The following CYRIB variants were observed in gnomAD, a reference collection of about 807,000 sequenced individuals.
CYRIB encodes CYFIP related Rac1 interactor B, also known as CYFIP-related Rac1 interactor B.
Under a neutral mutation model 44.2 loss-of-function variants are expected in CYRIB, and 8 were observed. That is an observed-to-expected ratio of 0.18 (90% confidence interval 0.11 to 0.33). The LOEUF is 0.33. Ranked by LOEUF, CYRIB falls within the 10% of genes least tolerant of loss-of-function variation. The pLI is 1.00. For synonymous variants in CYRIB, 131 were observed against 127.2 expected (o/e 1.03, Z -0.20); for missense variants, 185 against 382.8 (o/e 0.48, Z 4.31).
At chr8:129,854,427 T>C (rs907759254) in intron 6 of CYRIB, 84 bp from the exon 9 acceptor site, 4 of 952,324 alleles carry the variant, frequency 4.2e-6, no homozygotes, top group East Asian at 2.6e-5. Context: ...TAGTTTTAAT[T>C]AGTATAAAAC....
At chr8:129,942,634 T>C (rs2093796435), upstream of CYRIB, among the ~76,000 whole-genome samples, 3 of 152,278 alleles carry the variant, frequency 2.0e-5, no homozygotes, top group South Asian at 6.2e-4. Context: ...TGTTGAAAAA[T>C]TGAACAAAAG....
chr8:129,917,429 A>C (rs550354529), intron 1 of CYRIB, among the ~76,000 whole-genome samples: 5 of 152,196 alleles, frequency 3.3e-5, no homozygotes, highest in South Asian at 2.1e-4. Context: ...TATTAGAATA[A>C]TCCTTCTAAT....
intron 2 of CYRIB, among the ~76,000 whole-genome samples, chr8:129,960,367 G>T (rs910151623): frequency 2.0e-5 from 3 of 152,114 alleles, no homozygotes; most frequent in Non-Finnish European, 4.4e-5. Context: ...GGCCAAGGTG[G>T]GTGGATCACC....
intron 1 of CYRIB, among the ~76,000 whole-genome samples, chr8:129,972,772 C>T (rs2095758302): frequency 6.6e-6 from 1 of 152,048 alleles, no homozygotes; most frequent in Non-Finnish European, 1.5e-5. Context: ...CACACACACA[C>T]ACCCCACATC....
At chr8:129,985,903 T>C (rs1249638149) in intron 1 of CYRIB, among the ~76,000 whole-genome samples, 1 of 152,174 alleles carries the variant, frequency 6.6e-6, no homozygotes, top group Non-Finnish European at 1.5e-5. Flanking sequence ...CCCTGAACAC[T>C]TTCAAACCAG....
chr8:130,015,860 A>T (rs2097330530), intron 1 of CYRIB, among the ~76,000 whole-genome samples: 1 of 152,220 alleles, frequency 6.6e-6, no homozygotes, highest in African/African-American at 2.4e-5. Flanking sequence ...TCTTGAGGCC[A>T]GTGGAGATTT....
Position 129,859,633 on chromosome 8 carries a change from A to C in CYRIB, c.301+2596T>G, listed in dbSNP as rs144533019. 1.4e-3 allele frequency among the ~76,000 whole-genome samples: 215 copies of C among 152,354 alleles called. 1 individual carries two copies. The highest frequency in any genetic ancestry group is 5.0e-3 in the African/African-American group (208 of 41,584). Reference sequence around the variant, plus strand: ...TCTGGTGGCCCTGCCTGGGCATAACAGAAGGCTCGCACTCTTGTCTTCTGG... The same window carrying C: ...TCTGGTGGCCCTGCCTGGGCATAACCGAAGGCTCGCACTCTTGTCTTCTGG... On this transcript the variant is annotated intron_variant, in intron 5 of 11. Transcript: ENST00000519824.
At chr8:129,883,566 C>G (rs563550769) in intron 2 of CYRIB, among the ~76,000 whole-genome samples, 2 of 152,180 alleles carry the variant, frequency 1.3e-5, no homozygotes, top group East Asian at 1.9e-4. Flanking sequence ...AAATTAAAAC[C>G]ATAACCCTAT....
intron 1 of CYRIB, among the ~76,000 whole-genome samples, chr8:129,937,587 C>CA (rs1418905082): frequency 1.2e-4 from 19 of 152,124 alleles, no homozygotes; most frequent in Admixed American, 8.5e-4. Context: ...AAACGTCAAT[C>CA]AAAAATCTAT....
rs555668739 is a variant in CYRIB at position 129,921,424 on chromosome 8, T to C, written c.-49-18074A>G. On this transcript the variant is annotated intron_variant, in intron 1 of 11. Coordinates refer to ENST00000519824, the Ensembl canonical transcript of CYRIB. ...TGTTAGGCTACTCAGTGAAAAGTTT[T>C]GGGCAACCAGATATTCACATGGTTT... 3.8e-4 allele frequency among the ~76,000 whole-genome samples: 58 copies of C among 152,358 alleles called. 1 individual carries two copies. The South Asian group carries it at 0.012, about 32-fold the overall frequency.
chr8:129,873,471 C>A (rs1482829875), intron 3 of CYRIB, among the ~76,000 whole-genome samples: 1 of 151,950 alleles, frequency 6.6e-6, no homozygotes, highest in Non-Finnish European at 1.5e-5. Context: ...TTTATACTTA[C>A]ATCAGATTCA....
At chr8:129,973,135 C>T (rs2095782647) in intron 1 of CYRIB, among the ~76,000 whole-genome samples, 1 of 152,112 alleles carries the variant, frequency 6.6e-6, no homozygotes, top group Admixed American at 6.5e-5. Flanking sequence ...ATTAGGGGAG[C>T]AATTACAGGC....
At chr8:129,972,644 T>C (rs1315422407) in intron 1 of CYRIB, among the ~76,000 whole-genome samples, 2 of 151,952 alleles carry the variant, frequency 1.3e-5, no homozygotes, top group Admixed American at 6.6e-5. Context: ...TGTACACACA[T>C]AGACTCCACA....
In CYRIB at chr8:129,879,432, G is replaced by T. The variant is rs1182140169; in HGVS notation, c.30C>A (p.Cys10Ter). The T allele has an allele frequency of 6.2e-7, 1 of 1,611,848 alleles. No homozygotes were observed. Among genetic ancestry groups the T allele is most frequent in the South Asian group, 1.1e-5 (1 of 90,442 alleles). The change falls in exon 3 of 12, where the codon TGC (cysteine) becomes TGA (stop). Residue 10 changes from cysteine (C) to a stop codon, truncating the protein, a stop_gained. Transcript: ENST00000519824. LOFTEE classifies it high-confidence loss of function. ...AATTTGGCCCCTGCTCAAGGTCTGTGCATGTCAAAACTTTAAGAAGATTCC... is the reference window on the plus strand; with the variant it reads ...AATTTGGCCCCTGCTCAAGGTCTGTTCATGTCAAAACTTTAAGAAGATTCC...
At chr8:129,845,326 AGT>A (rs1333203948) in intron 11 of CYRIB, among the ~76,000 whole-genome samples, 1 of 152,224 alleles carries the variant, frequency 6.6e-6, no homozygotes, top group Admixed American at 6.5e-5. Context: ...AGAAAGACAA[AGT>A]CTTGGGAGAA....
chr8:129,974,479 G>T (rs1270506573), intron 1 of CYRIB, among the ~76,000 whole-genome samples: 2 of 152,060 alleles, frequency 1.3e-5, no homozygotes, highest in African/African-American at 2.4e-5. Context: ...AGTTCCCACT[G>T]AAGCAAATCT....
chr8:129,910,864 C>T (rs917690412), intron 1 of CYRIB, among the ~76,000 whole-genome samples: 5 of 152,208 alleles, frequency 3.3e-5, no homozygotes, highest in African/African-American at 1.2e-4. Flanking sequence ...ACAATCATAG[C>T]TCACTGTAAC....
intron 4 of CYRIB, among the ~76,000 whole-genome samples, chr8:129,870,401 CCT>C (rs1468767225): frequency 1.3e-5 from 2 of 152,138 alleles, no homozygotes; most frequent in African/African-American, 2.4e-5. Flanking sequence ...GGAGCTAAAC[CCT>C]GTCTCAAAAT....
intron 1 of CYRIB, among the ~76,000 whole-genome samples, chr8:129,972,274 C>T (rs1288757324): frequency 6.6e-6 from 1 of 152,170 alleles, no homozygotes; most frequent in Non-Finnish European, 1.5e-5. Flanking sequence ...ATAATAATCA[C>T]CGAACTGCTC....
Sources: gnomAD v4.1 joint callset for allele counts (sites outside exome capture counted in the v4.1 genomes callset) on GRCh38, gnomAD v4.1.1 for gene constraint, MANE v1.5 for transcripts, NCBI Gene and HGNC (gene_info 2026-07-23, HGNC 2026-07-21) for gene names.